The following UCHL5 variants were observed in gnomAD, a reference collection of about 807,000 sequenced individuals.
UCHL5 encodes ubiquitin carboxyl-terminal hydrolase isozyme L5.
A neutral mutation model predicts 53.8 loss-of-function variants in UCHL5; 34 were observed. The ratio of observed to expected loss-of-function variants is 0.63; its 90% CI spans 0.48 to 0.84. The LOEUF is 0.84. Ranked by LOEUF, UCHL5 falls within the 40% of genes least tolerant of loss-of-function variation. The probability of loss-of-function intolerance (pLI) is 0.00; values close to 1 mark genes in which losing one functional copy is unlikely to be tolerated. For synonymous variants in UCHL5, 111 were observed against 126.3 expected, an observed-to-expected ratio of 0.88 and a Z score of 0.81; for missense variants, 290 against 385.6, an observed-to-expected ratio of 0.75 and a Z score of 2.08.
At chr1:193,034,549 A>C (rs144065315) in intron 3 of UCHL5, among the ~76,000 whole-genome samples, 1,687 of 152,202 alleles carry the variant, frequency 0.011, 16 homozygotes, top group South Asian at 0.034. Context: ...TTTTACACAA[A>C]TTGTTCAAGG....
rs777051570 is a variant in UCHL5, at chr1:193,029,168, A to G, written c.565+11T>C. 3.1e-6 allele frequency: 5 copies of G among 1,608,912 alleles called. No individual in the cohort carries two copies. The highest frequency in any genetic ancestry group is 3.4e-6 in the Non-Finnish European group (4 of 1,177,928). ...TCAAAAGTGAAATATCAGGAACAGGAACTGCATTACCTAAATCAATCGGTC... is the reference window on the plus strand; with the variant it reads ...TCAAAAGTGAAATATCAGGAACAGGGACTGCATTACCTAAATCAATCGGTC... On this transcript the variant is annotated intron_variant, in intron 6 of 10. Transcript: ENST00000367454.
intron 3 of UCHL5, among the ~76,000 whole-genome samples, chr1:193,047,900 T>TA (rs1474290040): frequency 6.6e-6 from 1 of 152,188 alleles, no homozygotes; most frequent in South Asian, 2.1e-4. Context: ...ATAAGAGTTT[T>TA]AAAAAAAGAA....
At chr1:193,058,572 A>G (rs1180071707) in intron 1 of UCHL5, among the ~76,000 whole-genome samples, 1 of 152,266 alleles carries the variant, frequency 6.6e-6, no homozygotes, top group Non-Finnish European at 1.5e-5. Context: ...CACTAGCTCA[A>G]GAAAACTCAC....
upstream of UCHL5, chr1:193,060,007 G>C (rs550768946): frequency 2.2e-6 from 3 of 1,361,462 alleles, no homozygotes; most frequent in Admixed American, 5.7e-5. Context: ...ATTCCTCAGG[G>C]TGGGCCCTTT....
chr1:193,020,522 G>A lies in UCHL5; in HGVS notation c.942+575C>T, dbSNP rs1656600713. The A allele has an allele frequency of 8.6e-6, 12 of 1,390,260 alleles. No homozygotes were observed. In the South Asian group the frequency reaches 8.7e-5, roughly 10 times the overall value. The allele number at this position is 1,390,260 out of a possible 1,614,324, so 86.1% of individuals were successfully genotyped here. ...ACTGATGTTCACTTTCAGAAACACT[G>A]ATTTACAGTATGAACTTAAAAACAA... On this transcript the variant is annotated intron_variant, in intron 10 of 10. Coordinates refer to ENST00000367454, the MANE Select transcript of UCHL5 (RefSeq NM_001199261.3).
intron 2 of UCHL5, among the ~76,000 whole-genome samples, chr1:193,051,165 T>C (rs908158822): frequency 1.3e-5 from 2 of 152,138 alleles, no homozygotes; most frequent in African/African-American, 4.8e-5. Context: ...CCAGTGAAAA[T>C]TCCTCTAGCC....
intron 6 of UCHL5, among the ~76,000 whole-genome samples, chr1:193,028,800 A>T (rs543517875): frequency 2.0e-5 from 3 of 152,198 alleles, no homozygotes; most frequent in Non-Finnish European, 2.9e-5. Flanking sequence ...TCCAATTCCA[A>T]ATGAAAATAC....
At chr1:193,053,387 T>C (rs1267728529) in intron 1 of UCHL5, among the ~76,000 whole-genome samples, 1 of 152,170 alleles carries the variant, frequency 6.6e-6, no homozygotes, top group Non-Finnish European at 1.5e-5. Context: ...CCTGCACTGG[T>C]AGAATTTCAA....
At chr1:193,057,569 C>A (rs991792738) in intron 1 of UCHL5, among the ~76,000 whole-genome samples, 1 of 152,172 alleles carries the variant, frequency 6.6e-6, no homozygotes. Flanking sequence ...GCACAATAAA[C>A]CTTAATTATG....
chr1:193,037,775 C>T (rs977215007), intron 3 of UCHL5, among the ~76,000 whole-genome samples: 1 of 151,174 alleles, frequency 6.6e-6, no homozygotes, highest in Admixed American at 6.6e-5. Context: ...TTAAATAATA[C>T]CACATTAAAA....
intron 2 of UCHL5, among the ~76,000 whole-genome samples, chr1:193,050,539 C>A (rs992054803): frequency 7.0e-6 from 1 of 142,610 alleles, no homozygotes; most frequent in African/African-American, 2.5e-5. Flanking sequence ...TCGAGACCAG[C>A]CTGGACAACA....
At chr1:193,051,720 A>T in intron 2 of UCHL5, 34 bp downstream of exon 2, 1 of 1,283,726 alleles carries the variant, frequency 7.8e-7, no homozygotes. Flanking sequence ...AAGTATATAT[A>T]TATACATATT....
At chr1:193,047,890 A>G (rs898516496) in intron 3 of UCHL5, among the ~76,000 whole-genome samples, 10 of 152,216 alleles carry the variant, frequency 6.6e-5, no homozygotes, top group African/African-American at 1.9e-4. Flanking sequence ...ACTGACATAC[A>G]TAAGAGTTTT....
intron 1 of UCHL5, among the ~76,000 whole-genome samples, chr1:193,055,224 C>CAG (rs1670244929): frequency 6.6e-6 from 1 of 152,020 alleles, no homozygotes; most frequent in Admixed American, 6.5e-5. Context: ...ACTTGGAAGA[C>CAG]AGAGACAGCA....
At chr1:193,022,811 A>G in intron 9 of UCHL5, 115 bp downstream of exon 9, 1 of 664,948 alleles carries the variant, frequency 1.5e-6, no homozygotes, top group Admixed American at 2.7e-5. Flanking sequence ...TCAACAAATT[A>G]TTTGAAATCT....
chr1:193,032,654 T>C lies in UCHL5; in HGVS notation c.247-2997A>G, dbSNP rs573080223. On this transcript the variant is annotated intron_variant, in intron 3 of 10. Coordinates refer to ENST00000367454, the MANE Select transcript of UCHL5 (RefSeq NM_001199261.3). Reference sequence around the variant, plus strand: ...CTGACAAAGGCTAATACACAGAATATACAAGGAACTTAAACAAATGCAGAA... The same window carrying C: ...CTGACAAAGGCTAATACACAGAATACACAAGGAACTTAAACAAATGCAGAA... Among the ~76,000 whole-genome samples, 23 of 152,212 alleles carry C rather than the reference T, an allele frequency of 1.5e-4. No homozygotes were observed. The South Asian group carries it at 4.8e-3, about 32-fold the overall frequency.
intron 1 of UCHL5, among the ~76,000 whole-genome samples, 175 bp from the exon 2 acceptor site, chr1:193,051,992 G>A (rs1669200409): frequency 6.6e-6 from 1 of 151,724 alleles, no homozygotes; most frequent in Non-Finnish European, 1.5e-5. Context: ...ATTTACAGTG[G>A]GAGTATATTT....
Position 193,013,410 on chromosome 1 carries a change from T to C in UCHL5, c.*2941A>G, listed in dbSNP as rs1294066856. ...CTAGAGTGGTTTGTTTCCTGAAAAT[T>C]TGTATATGATCAAGTTTAAAAATAA... On this transcript the variant is annotated 3_prime_UTR_variant, in exon 11 of 11. Coordinates refer to ENST00000367454, the MANE Select transcript of UCHL5 (RefSeq NM_001199261.3). 1.3e-5 allele frequency: 2 copies of C among 152,170 alleles called. No homozygotes were observed. Among genetic ancestry groups the C allele is most frequent in the African/African-American group, 2.4e-5 (1 of 41,434 alleles). The allele number at this position is 152,170 out of a possible 1,614,324, so 9.4% of individuals were successfully genotyped here. A position where few individuals can be genotyped will look rare whatever the true frequency, so the allele number is the denominator to read the frequency against.
Position 193,023,884 on chromosome 1 carries a change from T to C in UCHL5, c.692A>G (p.Tyr231Cys). ...TTGTAACTCTGCTATCTTCTGCTCA[T>C]ATATCATTTTTCTGTCAGACACAAT... ...MAIVSDRKMI[Y>C]EQKIAELQRQ... The change falls in exon 8 of 11, where the codon TAT becomes TGT. Residue 231 changes from tyrosine to cysteine, a missense_variant. By Grantham distance (194) the Tyr-to-Cys change is radical (BLOSUM62 -2). Coordinates refer to ENST00000367454, the MANE Select transcript of UCHL5 (RefSeq NM_001199261.3). The C allele has an allele frequency of 6.2e-7, 1 of 1,613,230 alleles. No homozygotes were observed. The highest frequency in any genetic ancestry group is 8.5e-7 in the Non-Finnish European group (1 of 1,179,756).
Sources: gnomAD v4.1 joint callset for allele counts (sites outside exome capture counted in the v4.1 genomes callset) on GRCh38, gnomAD v4.1.1 for gene constraint, MANE v1.5 for transcripts, NCBI Gene and HGNC (gene_info 2026-07-23, HGNC 2026-07-21) for gene names.